Variants in DTNA observed in about 807,000 individuals in gnomAD.
DTNA encodes dystrobrevin alpha.
Under a neutral mutation model 100.7 loss-of-function variants are expected in DTNA, and 43 were observed. The observed-to-expected ratio is 0.43, with a 90% CI of 0.33 to 0.55. The LOEUF (loss-of-function observed/expected upper bound fraction) is 0.55. DTNA is among the 20% of genes least tolerant of loss of function. The pLI is 0.04. For synonymous variants in DTNA, 349 were observed against 347.9 expected, an observed-to-expected ratio of 1.00 and a Z score of -0.04; for missense variants, 798 against 953.9, an observed-to-expected ratio of 0.84 and a Z score of 2.15.
chr18:34,737,866 A>G (rs1199173395), intron 1 of DTNA: 1 of 152,194 alleles, frequency 6.6e-6, no homozygotes, highest in Non-Finnish European at 1.5e-5. Flanking sequence ...ACACGCCTTC[A>G]TGAAACCGAC....
chr18:34,839,064 A>G (rs2096214630), intron 13 of DTNA, among the ~76,000 whole-genome samples: 1 of 152,214 alleles, frequency 6.6e-6, no homozygotes, highest in Admixed American at 6.6e-5. Flanking sequence ...GAAAACTTGC[A>G]TAAAGGGATG....
At chr18:34,660,925 G>A (rs112420799) in intron 1 of DTNA, among the ~76,000 whole-genome samples, 23 of 152,096 alleles carry the variant, frequency 1.5e-4, no homozygotes, top group Non-Finnish European at 4.4e-5. Flanking sequence ...CTAAGCTGAA[G>A]CCTGACTACT....
chr18:34,648,854 A>T (rs769820241), intron 1 of DTNA, among the ~76,000 whole-genome samples: 5 of 152,348 alleles, frequency 3.3e-5, no homozygotes, highest in Admixed American at 2.6e-4. Flanking sequence ...GTGCATGTGT[A>T]TGTGCAAATG....
At chr18:34,818,734 T>G in intron 8 of DTNA, 1 of 804,814 alleles carries the variant, frequency 1.2e-6, no homozygotes, top group African/African-American at 1.8e-5. Flanking sequence ...TCTGGAGTTC[T>G]TTTAAGTGCG....
At chr18:34,497,004 A>C (rs2144440254) in intron 1 of DTNA, among the ~76,000 whole-genome samples, 1 of 152,304 alleles carries the variant, frequency 6.6e-6, no homozygotes. Flanking sequence ...CAAAACTATC[A>C]GTACTTTTTT....
chr18:34,684,529 T>C (rs1191088515), intron 1 of DTNA, among the ~76,000 whole-genome samples: 3 of 152,214 alleles, frequency 2.0e-5, no homozygotes. Flanking sequence ...TGTCACATTT[T>C]CTTTATCCAG....
At chr18:34,828,408 A>T (rs1440367498) in intron 10 of DTNA, among the ~76,000 whole-genome samples, 1 of 152,214 alleles carries the variant, frequency 6.6e-6, no homozygotes, top group African/African-American at 2.4e-5. Flanking sequence ...AAACAAAGGT[A>T]AGGAAAATTG....
At chr18:34,877,959 G>GTT in intron 19 of DTNA, 151 bp downstream of exon 19, 36 of 665,844 alleles carry the variant, frequency 5.4e-5, no homozygotes, top group East Asian at 1.0e-4. Context: ...GATTTGAGGG[G>GTT]TTTTTTTTTT....
intron 1 of DTNA, among the ~76,000 whole-genome samples, chr18:34,678,916 C>T (rs1257630350): frequency 6.6e-6 from 1 of 152,110 alleles, no homozygotes; most frequent in Non-Finnish European, 1.5e-5. Context: ...TATTAAGTAA[C>T]ATTAGGTTGC....
chr18:34,505,426 C>T (rs546340354), intron 1 of DTNA, among the ~76,000 whole-genome samples: 15 of 152,322 alleles, frequency 9.8e-5, no homozygotes, highest in African/African-American at 3.6e-4. Context: ...CCATTCACAG[C>T]TTCCAGGGAT....
chr18:34,653,889 A>T (rs939370375), intron 1 of DTNA, among the ~76,000 whole-genome samples: 8 of 152,190 alleles, frequency 5.3e-5, no homozygotes, highest in Admixed American at 2.6e-4. Context: ...AATATCAAAC[A>T]GCTTTGAATT....
Position 34,890,190 on chromosome 18 carries a change from A to G in DTNA, c.*2456A>G. The G allele has an allele frequency of 6.9e-7, 1 of 1,446,280 alleles. No homozygotes were observed. The highest frequency in any genetic ancestry group is 9.0e-7 in the Non-Finnish European group (1 of 1,105,196). 89.6% of individuals were successfully genotyped at this position (1,446,280 alleles called of 1,614,324 possible). A position where few individuals can be genotyped will look rare whatever the true frequency, so the allele number is the denominator to read the frequency against. On this transcript the variant is annotated 3_prime_UTR_variant, in exon 23 of 23. Transcript: ENST00000444659. ...TGTCATAGCTATTTCATTGCCAACC[A>G]ACTCCATCACATGGTTGTTGATATC...
At chr18:34,751,386 G>T (rs921276048) in intron 1 of DTNA, among the ~76,000 whole-genome samples, 16 of 152,172 alleles carry the variant, frequency 1.1e-4, no homozygotes, top group African/African-American at 3.6e-4. Context: ...CACCATGCTG[G>T]AGTTGTTTCC....
intron 6 of DTNA, among the ~76,000 whole-genome samples, chr18:34,814,032 A>G (rs1309163344): frequency 6.6e-6 from 1 of 152,138 alleles, no homozygotes; most frequent in African/African-American, 2.4e-5. Flanking sequence ...TAACAAGGAA[A>G]ATATGATTCT....
chr18:34,530,095 G>T (rs767736726), intron 1 of DTNA, among the ~76,000 whole-genome samples: 18 of 152,030 alleles, frequency 1.2e-4, no homozygotes, highest in Non-Finnish European at 2.5e-4. Flanking sequence ...AAAACACTTG[G>T]TGGTGATGGC....
intron 15 of DTNA, among the ~76,000 whole-genome samples, chr18:34,855,359 C>A (rs1052709354): frequency 1.3e-5 from 2 of 152,102 alleles, no homozygotes; most frequent in African/African-American, 2.4e-5. Context: ...AAGGGATTGA[C>A]TAGAAGCTGG....
At chr18:34,881,927 G>A (rs1350056630) in intron 20 of DTNA, 142 bp from the exon 21 acceptor site, 10 of 1,094,512 alleles carry the variant, frequency 9.1e-6, no homozygotes, top group African/African-American at 7.9e-5. Context: ...TTTTTTTTAG[G>A]TATTACTAAA....
In DTNA at chr18:34,613,593, A is replaced by T. The variant is rs182828820; in HGVS notation, c.-2+120079A>T. Among the ~76,000 whole-genome samples the T allele has an allele frequency of 7.9e-3, 1,205 of 152,370 alleles. 8 individuals carry two copies. Among genetic ancestry groups the T allele is most frequent in the Non-Finnish European group, 0.013 (871 of 68,044 alleles). On this transcript the variant is annotated intron_variant, in intron 1 of 19. Coordinates refer to the DTNA transcript ENST00000283365. ...TGAAACAGCCTTATTGCTGATATAA[A>T]GAAAATTTTACCCATCTGGGAGGAA... is the stretch of plus-strand genomic sequence containing the variant.
chr18:34,620,413 G>A (rs1358545264), intron 1 of DTNA, among the ~76,000 whole-genome samples: 1 of 152,166 alleles, frequency 6.6e-6, no homozygotes, highest in African/African-American at 2.4e-5. Flanking sequence ...AGATGATTAA[G>A]TTACAGAGAA....
Sources: gnomAD v4.1 joint callset for allele counts (sites outside exome capture counted in the v4.1 genomes callset) on GRCh38, gnomAD v4.1.1 for gene constraint, MANE v1.5 for transcripts, NCBI Gene and HGNC (gene_info 2026-07-23, HGNC 2026-07-21) for gene names.